GRM7: variants seen among roughly 807,000 people sequenced by gnomAD.
The protein encoded by GRM7 is glutamate metabotropic receptor 7.
Under a neutral mutation model 84.5 loss-of-function variants are expected in GRM7, and 35 were observed. The ratio of observed to expected loss-of-function variants is 0.41; its 90% CI spans 0.32 to 0.55. GRM7 has a LOEUF of 0.55. GRM7 is among the 20% of genes least tolerant of loss of function. The pLI is 0.19. For synonymous variants in GRM7, 487 were observed against 455.1 expected, an observed-to-expected ratio of 1.07 and a Z score of -0.89; for missense variants, 1,003 against 1,194.6, an observed-to-expected ratio of 0.84 and a Z score of 2.36.
chr3:7,322,199 C>T (rs1186377054), intron 4 of GRM7, among the ~76,000 whole-genome samples: 4 of 151,906 alleles, frequency 2.6e-5, no homozygotes, highest in Admixed American at 6.6e-5. Context: ...TTCTAGTGGA[C>T]GCTTATAATA....
intron 9 of GRM7, among the ~76,000 whole-genome samples, chr3:7,708,385 G>A (rs563625388): frequency 5.3e-5 from 8 of 151,930 alleles, no homozygotes; most frequent in East Asian, 1.9e-4. Context: ...TAGACTGGCC[G>A]GTTGCACAGA....
At chr3:6,934,523 G>C (rs1301873786) in intron 1 of GRM7, among the ~76,000 whole-genome samples, 1 of 152,188 alleles carries the variant, frequency 6.6e-6, no homozygotes, top group African/African-American at 2.4e-5. Flanking sequence ...AAGTTACCAT[G>C]AAGACATTAG....
chr3:7,513,958 A>G (rs1333762720), intron 7 of GRM7, among the ~76,000 whole-genome samples: 1 of 152,228 alleles, frequency 6.6e-6, no homozygotes, highest in South Asian at 2.1e-4. Flanking sequence ...CTCAAAGGCA[A>G]TATTTCACTT....
chr3:7,563,612 A>G (rs1365942147), intron 7 of GRM7, among the ~76,000 whole-genome samples: 2 of 152,178 alleles, frequency 1.3e-5, no homozygotes, highest in African/African-American at 4.8e-5. Flanking sequence ...TTAAGTGTAA[A>G]TAAAATAATA....
At chr3:7,109,016 T>C (rs113419372) in intron 1 of GRM7, among the ~76,000 whole-genome samples, 2 of 152,254 alleles carry the variant, frequency 1.3e-5, no homozygotes, top group East Asian at 3.9e-4. Context: ...AGAAAATTCT[T>C]TCGGGATGGA....
intron 2 of GRM7, among the ~76,000 whole-genome samples, chr3:7,234,110 CA>C (rs1189419740): frequency 6.6e-6 from 1 of 151,888 alleles, no homozygotes; most frequent in Non-Finnish European, 1.5e-5. Context: ...AAGGAATGCT[CA>C]AGGAATTGTA....
At chr3:7,100,281 T>G (rs1699065440) in intron 1 of GRM7, among the ~76,000 whole-genome samples, 2 of 151,646 alleles carry the variant, frequency 1.3e-5, no homozygotes, top group Non-Finnish European at 1.5e-5. Flanking sequence ...TCATGGGCTG[T>G]GTACTTGGTA....
intron 1 of GRM7, among the ~76,000 whole-genome samples, chr3:6,877,376 G>A (rs1195431829): frequency 6.6e-6 from 1 of 152,162 alleles, no homozygotes; most frequent in Non-Finnish European, 1.5e-5. Flanking sequence ...TGGGATTGAT[G>A]ATAAAATAGC....
intron 8 of GRM7, among the ~76,000 whole-genome samples, chr3:7,618,447 G>A (rs1312169216): frequency 4.6e-5 from 7 of 152,144 alleles, no homozygotes; most frequent in Middle Eastern, 6.8e-3. Context: ...ATGCCAAAAT[G>A]AACATTTAGT....
chr3:7,232,923 T>C (rs866386650), intron 2 of GRM7, among the ~76,000 whole-genome samples: 18 of 152,122 alleles, frequency 1.2e-4, no homozygotes, highest in South Asian at 2.1e-4. Flanking sequence ...GTTAATGAAA[T>C]GTAGACTTAT....
At chr3:7,618,991 C>T (rs1287689948) in intron 8 of GRM7, among the ~76,000 whole-genome samples, 1 of 152,090 alleles carries the variant, frequency 6.6e-6, no homozygotes, top group African/African-American at 2.4e-5. Context: ...GAAAATAGTT[C>T]TATCTTTCTG....
intron 4 of GRM7, among the ~76,000 whole-genome samples, chr3:7,390,847 C>T (rs987683414): frequency 2.6e-5 from 4 of 151,874 alleles, no homozygotes; most frequent in Non-Finnish European, 5.9e-5. Context: ...ATCTGTCATT[C>T]CAGACATTTT....
intron 1 of GRM7, among the ~76,000 whole-genome samples, chr3:6,958,123 C>T (rs1402537812): frequency 1.3e-5 from 2 of 151,806 alleles, no homozygotes; most frequent in African/African-American, 2.4e-5. Flanking sequence ...TAGCCATCAT[C>T]GTAATCAAAA....
At chr3:7,176,594 A>C (rs1356527205) in intron 2 of GRM7, among the ~76,000 whole-genome samples, 3 of 152,162 alleles carry the variant, frequency 2.0e-5, no homozygotes, top group East Asian at 3.9e-4. Flanking sequence ...ATATTAAGTA[A>C]TTTTTAATAT....
At chr3:7,049,835 A>C (rs1334621106) in intron 1 of GRM7, among the ~76,000 whole-genome samples, 1 of 151,914 alleles carries the variant, frequency 6.6e-6, no homozygotes, top group East Asian at 1.9e-4. Context: ...CAAACAAAGT[A>C]AACTGCCAGT....
In GRM7 at chr3:7,079,660, T is replaced by C. The variant is rs928583615; in HGVS notation, c.520-66792T>C. Among the ~76,000 whole-genome samples the C allele has an allele frequency of 8.5e-5, 13 of 152,262 alleles. 1 individual carries two copies. Among genetic ancestry groups the C allele is most frequent in the Admixed American group, 4.6e-4 (7 of 15,266 alleles). Reference sequence around the variant, plus strand: ...GGAGTGGGCAGAATAATGTAACTGCTATAGAGAACTGGATAAGGGTGAGTT... The same window carrying C: ...GGAGTGGGCAGAATAATGTAACTGCCATAGAGAACTGGATAAGGGTGAGTT... On this transcript the variant is annotated intron_variant, in intron 1 of 9. Coordinates refer to ENST00000357716, the MANE Select transcript of GRM7 (RefSeq NM_000844.4).
intron 2 of GRM7, among the ~76,000 whole-genome samples, chr3:7,177,601 CAGG>C (rs1695197952): frequency 6.9e-6 from 1 of 144,662 alleles, no homozygotes; most frequent in African/African-American, 2.6e-5. Flanking sequence ...ATGGAGGAGA[CAGG>C]AGAGTTAGAT....
At chr3:7,686,411 T>C in intron 9 of GRM7, 1 of 1,556,450 alleles carries the variant, frequency 6.4e-7, no homozygotes, top group Non-Finnish European at 8.9e-7. Context: ...TGGTACACTA[T>C]CCCACCAACA....
intron 8 of GRM7, among the ~76,000 whole-genome samples, chr3:7,648,064 G>C (rs2125111231): frequency 6.6e-6 from 1 of 152,138 alleles, no homozygotes; most frequent in South Asian, 2.1e-4. Flanking sequence ...GTGCTCAGTA[G>C]AGGCCCTAGA....
Sources: allele counts gnomAD v4.1 joint callset (sites outside exome capture counted in the v4.1 genomes callset), GRCh38; gene constraint gnomAD v4.1.1; transcripts MANE v1.5; gene names NCBI Gene and HGNC (gene_info 2026-07-23, HGNC 2026-07-21).